DCDC1: variants seen among roughly 807,000 people sequenced by gnomAD.
DCDC1 encodes doublecortin domain-containing protein 1.
A neutral mutation model predicts 178.3 loss-of-function variants in DCDC1; 200 were observed. That is an observed-to-expected ratio of 1.12 (90% CI 1.00 to 1.26). DCDC1 has a LOEUF of 1.26. Ranked by LOEUF, DCDC1 falls within the 50% of genes most tolerant of loss-of-function variation. The pLI is 0.00. For missense variants in DCDC1, 1,983 were observed against 1,749.2 expected (o/e 1.13, Z -2.38); for synonymous variants, 690 against 604.8 (o/e 1.14, Z -2.07).
chr11:31,034,364 C>G (rs288471), intron 20 of DCDC1, among the ~76,000 whole-genome samples: 78,106 of 151,798 alleles, frequency 0.51, 20,741 homozygotes, highest in African/African-American at 0.66. Flanking sequence ...TATGAATTTA[C>G]TGTAGCCTAA....
intron 9 of DCDC1, among the ~76,000 whole-genome samples, chr11:31,165,837 A>G (rs1230746277): frequency 2.6e-5 from 4 of 152,100 alleles, no homozygotes; most frequent in African/African-American, 9.7e-5. Flanking sequence ...GCATGTAAAA[A>G]TCTCTATAAC....
chr11:31,232,449 A>C (rs573446667), intron 9 of DCDC1, among the ~76,000 whole-genome samples: 38 of 152,190 alleles, frequency 2.5e-4, no homozygotes, highest in Admixed American at 2.3e-3. Context: ...TAATTCTTTA[A>C]CGCCAATTTT....
chr11:31,295,439 G>A (rs11031345), intron 6 of DCDC1, among the ~76,000 whole-genome samples: 36,088 of 151,910 alleles, frequency 0.24, 4,354 homozygotes, highest in East Asian at 0.3. Flanking sequence ...AGTCCTGGCT[G>A]TGACCATTGC....
At chr11:31,290,183 T>A (rs535266495) in intron 7 of DCDC1, among the ~76,000 whole-genome samples, 1 of 152,030 alleles carries the variant, frequency 6.6e-6, no homozygotes, top group Non-Finnish European at 1.5e-5. Flanking sequence ...AAAACTTATA[T>A]GAATACTTTG....
intron 20 of DCDC1, among the ~76,000 whole-genome samples, chr11:30,998,009 TG>T (rs1726843376): frequency 6.6e-6 from 1 of 151,640 alleles, no homozygotes; most frequent in Non-Finnish European, 1.5e-5. Context: ...AGAAAGGGGG[TG>T]GGGGCAGGCA....
In DCDC1 at chr11:31,106,807, T is replaced by C; in HGVS notation, c.1741A>G (p.Arg581Gly). 1 of 766,262 alleles carries C rather than the reference T, an allele frequency of 1.3e-6. No individual in the cohort carries two copies. Among genetic ancestry groups the C allele is most frequent in the Non-Finnish European group, 2.4e-6 (1 of 417,812 alleles). 47.5% of individuals were successfully genotyped at this position (766,262 alleles called of 1,614,324 possible). Residue 581 changes from arginine to glycine, a missense_variant, in exon 13 of 39, where the codon AGA becomes GGA. Coordinates refer to ENST00000684477, the MANE Select transcript of DCDC1 (RefSeq NM_001387274.1). ...ACCCCTTGCTCCTACCTGTATGCTC[T>C]ACCATAAGAGACCCAAATTTTTTGC... ...NEQKIWVSYG[R>G]AYRSPLNLAL... is the part of the protein sequence containing the mutation.
At chr11:30,940,885 C>A (rs1041952277) in intron 21 of DCDC1, among the ~76,000 whole-genome samples, 3 of 152,066 alleles carry the variant, frequency 2.0e-5, no homozygotes, top group Non-Finnish European at 4.4e-5. Flanking sequence ...GCATTTAAGG[C>A]TATAAATTTC....
At chr11:31,170,014 G>C (rs779141285) in intron 9 of DCDC1, among the ~76,000 whole-genome samples, 1 of 152,162 alleles carries the variant, frequency 6.6e-6, no homozygotes, top group Non-Finnish European at 1.5e-5. Context: ...GGAGTGGTGA[G>C]AGACTGTTGT....
chr11:31,145,785 A>G (rs1964377752), intron 9 of DCDC1, among the ~76,000 whole-genome samples: 1 of 152,156 alleles, frequency 6.6e-6, no homozygotes, highest in Non-Finnish European at 1.5e-5. Flanking sequence ...TTTATTTGAT[A>G]CACTTGATTG....
In DCDC1 at chr11:30,881,249, G is replaced by C; in HGVS notation, c.5142C>G (p.Thr1714=). The part of the protein sequence containing the change: ...KMTHPARALY[T]PSGEPIQSWD... Reference sequence around the variant, plus strand: ...AGGACTGAATTGGCTCTCCACTGGGGGTGTACAGTGCTCTAGCTGGGTGGG... The same window carrying C: ...AGGACTGAATTGGCTCTCCACTGGGCGTGTACAGTGCTCTAGCTGGGTGGG... The change falls in exon 37 of 39, where the codon ACC becomes ACG. Residue 1714 remains threonine, a synonymous_variant. Transcript: ENST00000684477. 2 of 1,613,562 alleles carry C rather than the reference G, an allele frequency of 1.2e-6. No individual in the cohort carries two copies. Among genetic ancestry groups the C allele is most frequent in the Non-Finnish European group, 1.7e-6 (2 of 1,179,614 alleles).
At chr11:31,169,886 G>A (rs530362410) in intron 9 of DCDC1, among the ~76,000 whole-genome samples, 3 of 152,082 alleles carry the variant, frequency 2.0e-5, no homozygotes, top group Non-Finnish European at 4.4e-5. Context: ...AAAGATTTTG[G>A]GGGTAAGGAG....
intron 15 of DCDC1, among the ~76,000 whole-genome samples, chr11:31,101,484 C>A (rs1958499601): frequency 6.6e-6 from 1 of 152,082 alleles, no homozygotes; most frequent in Non-Finnish European, 1.5e-5. Flanking sequence ...TCCTTAGATG[C>A]ATTGACCTGT....
chr11:30,921,920 G>C (rs1246680935), intron 24 of DCDC1, among the ~76,000 whole-genome samples: 3 of 152,058 alleles, frequency 2.0e-5, no homozygotes, highest in Non-Finnish European at 4.4e-5. Flanking sequence ...AGGTGGCTCT[G>C]TAGCAAGGAC....
At chr11:31,141,190 A>T (rs1963782952) in intron 9 of DCDC1, among the ~76,000 whole-genome samples, 1 of 152,226 alleles carries the variant, frequency 6.6e-6, no homozygotes, top group African/African-American at 2.4e-5. Context: ...CAGATTGTGT[A>T]AAAATTTTAA....
At chr11:31,174,587 T>TG (rs1967741471) in intron 9 of DCDC1, among the ~76,000 whole-genome samples, 1 of 152,154 alleles carries the variant, frequency 6.6e-6, no homozygotes, top group African/African-American at 2.4e-5. Flanking sequence ...ACCTGAAGCC[T>TG]GGGGGCAAGG....
At chr11:31,342,052 T>G (rs745318046) in intron 1 of DCDC1, among the ~76,000 whole-genome samples, 1 of 152,088 alleles carries the variant, frequency 6.6e-6, no homozygotes, top group African/African-American at 2.4e-5. Context: ...GCACCACCAA[T>G]AGTACCAGCA....
In DCDC1 at chr11:30,878,599, T is replaced by C. The variant is rs1364866088; in HGVS notation, c.5346A>G (p.Ala1782=). 1 of 1,603,638 alleles carries C rather than the reference T, an allele frequency of 6.2e-7. No individual in the cohort carries two copies. The change falls in exon 38 of 39, where the codon GCA becomes GCG. Residue 1782 remains alanine, a synonymous_variant. Coordinates refer to ENST00000684477, the MANE Select transcript of DCDC1 (RefSeq NM_001387274.1). ...VSPSTKLLSL[A]HLHN is the part of the protein sequence containing the mutation. ...CTGATAGGAGTTAATTGTGGAGATG[T>C]GCCAGAGACAGCAGCTTCGTGGATG...
chr11:31,127,056 C>T (rs1210102064), intron 11 of DCDC1, among the ~76,000 whole-genome samples: 1 of 152,212 alleles, frequency 6.6e-6, no homozygotes, highest in African/African-American at 2.4e-5. Context: ...GAACATCAAT[C>T]AGTCACCTGG....
chr11:30,934,792 A>G (rs1282297483), intron 21 of DCDC1, among the ~76,000 whole-genome samples: 1 of 152,196 alleles, frequency 6.6e-6, no homozygotes, highest in African/African-American at 2.4e-5. Context: ...ACTCTTGTTG[A>G]GGGCTTGTAG....
Sources: gnomAD v4.1 joint callset for allele counts (sites outside exome capture counted in the v4.1 genomes callset) on GRCh38, gnomAD v4.1.1 for gene constraint, MANE v1.5 for transcripts, NCBI Gene and HGNC (gene_info 2026-07-23, HGNC 2026-07-21) for gene names.